Variants in CSMD2 observed in about 807,000 individuals in gnomAD.
CSMD2 encodes the protein CUB and Sushi multiple domains 2.
Under a neutral mutation model 398.5 loss-of-function variants are expected in CSMD2, and 130 were observed. That is an observed-to-expected ratio of 0.33 (90% CI 0.28 to 0.38). CSMD2 has a LOEUF of 0.38. Ranked by LOEUF, CSMD2 falls within the 10% of genes least tolerant of loss-of-function variation. CSMD2 has a pLI of 1.00. For synonymous variants in CSMD2, 1,828 were observed against 1,908.5 expected, an observed-to-expected ratio of 0.96 and a Z score of 1.10; for missense variants, 3,829 against 4,764.9, an observed-to-expected ratio of 0.80 and a Z score of 5.78.
chr1:33,655,213 G>T (rs1029967628), intron 27 of CSMD2, among the ~76,000 whole-genome samples: 1 of 152,222 alleles, frequency 6.6e-6, no homozygotes, highest in Non-Finnish European at 1.5e-5. Flanking sequence ...AAAGGGCATT[G>T]ATTTGGAAGT....
At chr1:33,671,576 A>C (rs1571165696) in intron 25 of CSMD2, among the ~76,000 whole-genome samples, 1 of 152,056 alleles carries the variant, frequency 6.6e-6, no homozygotes, top group Non-Finnish European at 1.5e-5. Context: ...TCCACCTCCC[A>C]CTGCCACACC....
chr1:33,542,685 G>C (rs1341163309), intron 58 of CSMD2, 35 bp downstream of exon 58: 1 of 1,585,736 alleles, frequency 6.3e-7, no homozygotes, highest in Non-Finnish European at 8.6e-7. Flanking sequence ...CTGGGCCACT[G>C]TTGGCCATGG....
intron 14 of CSMD2, 76 bp downstream of exon 14, chr1:33,743,204 C>G: frequency 1.5e-6 from 2 of 1,304,150 alleles, no homozygotes; most frequent in South Asian, 1.5e-5. Flanking sequence ...CTCCTCCCTC[C>G]ATGGGAGCAC....
intron 55 of CSMD2, among the ~76,000 whole-genome samples, chr1:33,551,686 T>C (rs1411452722): frequency 6.6e-6 from 1 of 152,242 alleles, no homozygotes; most frequent in East Asian, 1.9e-4. Flanking sequence ...GTAGATTATC[T>C]GCAAAGACTG....
intron 10 of CSMD2, among the ~76,000 whole-genome samples, chr1:33,795,992 C>T (rs578192326): frequency 5.3e-5 from 8 of 152,338 alleles, no homozygotes; most frequent in African/African-American, 1.7e-4. Context: ...CTTTGTGTGT[C>T]ATGTGATCTG....
rs190895380 is a variant in CSMD2 at position 34,102,868 on chromosome 1, T to C, written c.188-13675A>G. On this transcript the variant is annotated intron_variant, in intron 1 of 70. Coordinates refer to ENST00000373381, the MANE Select transcript of CSMD2 (RefSeq NM_001281956.2). Reference sequence around the variant, plus strand: ...GTGTTCCTGGTGCCTGCTTTATTTGTTGATAGCACTTAGCACCTCTGCCAT... The same window carrying C: ...GTGTTCCTGGTGCCTGCTTTATTTGCTGATAGCACTTAGCACCTCTGCCAT... Among the ~76,000 whole-genome samples, 50 of 152,330 alleles carry C rather than the reference T, an allele frequency of 3.3e-4. No homozygotes were observed. In the East Asian group the frequency reaches 8.7e-3, roughly 26 times the overall value.
intron 6 of CSMD2, among the ~76,000 whole-genome samples, chr1:33,843,754 T>C (rs1661083813): frequency 6.6e-6 from 1 of 152,186 alleles, no homozygotes; most frequent in Non-Finnish European, 1.5e-5. Context: ...GCACAGTGGA[T>C]GGGAGAGAGA....
intron 5 of CSMD2, among the ~76,000 whole-genome samples, chr1:33,903,561 C>G (rs1642888626): frequency 6.6e-6 from 1 of 152,136 alleles, no homozygotes; most frequent in Non-Finnish European, 1.5e-5. Flanking sequence ...CAATTAGCCA[C>G]AGGACATTGT....
At position 34,114,208 on chromosome 1, in the gene CSMD2, T is replaced by C. The variant is rs561347338; in HGVS notation, c.188-25015A>G. On this transcript the variant is annotated intron_variant, in intron 1 of 70. Transcript: ENST00000373381. ...AGTACACATGCAAGCTCAGAGAATA[T>C]ATATCCCAAGGAAAGCCCCCAGAAC... 2.0e-5 allele frequency among the ~76,000 whole-genome samples: 3 copies of C among 152,198 alleles called. No homozygotes were observed. The East Asian group carries it at 5.8e-4, about 29-fold the overall frequency.
intron 10 of CSMD2, among the ~76,000 whole-genome samples, chr1:33,795,479 C>T (rs1234868419): frequency 6.6e-6 from 1 of 152,316 alleles, no homozygotes; most frequent in South Asian, 2.1e-4. Context: ...CTGCTGACTG[C>T]CCTCCACTGC....
intron 29 of CSMD2, among the ~76,000 whole-genome samples, chr1:33,642,280 G>A (rs1370412242): frequency 2.6e-5 from 4 of 151,400 alleles, no homozygotes. Context: ...CTGGGAGGTG[G>A]AGGTTGCAGT....
intron 11 of CSMD2, 52 bp from the exon 12 acceptor site, chr1:33,788,764 A>G: frequency 8.7e-7 from 1 of 1,146,730 alleles, no homozygotes; most frequent in Non-Finnish European, 1.3e-6. Flanking sequence ...ACACCCGAAT[A>G]GAATGATTGC....
chr1:33,754,846 G>T (rs143231324), intron 13 of CSMD2, among the ~76,000 whole-genome samples: 1 of 152,134 alleles, frequency 6.6e-6, no homozygotes, highest in South Asian at 2.1e-4. Flanking sequence ...GCGAGGATGG[G>T]TGTTGGTCTG....
chr1:33,605,936 C>T (rs776577487), intron 41 of CSMD2: 26 of 1,613,636 alleles, frequency 1.6e-5, no homozygotes, highest in East Asian at 1.6e-4. Flanking sequence ...TTTCCAACTC[C>T]GAGAGATCAA....
chr1:33,911,977 A>C (rs1643470595), intron 5 of CSMD2, among the ~76,000 whole-genome samples: 1 of 152,168 alleles, frequency 6.6e-6, no homozygotes, highest in Non-Finnish European at 1.5e-5. Context: ...TGCGCTTCCC[A>C]CCACCTCATC....
At chr1:33,796,597 T>C (rs543001065) in intron 10 of CSMD2, among the ~76,000 whole-genome samples, 6 of 151,714 alleles carry the variant, frequency 4.0e-5, no homozygotes, top group Admixed American at 6.5e-5. Flanking sequence ...AGGACCACTA[T>C]TGTGTTAACT....
intron 15 of CSMD2, among the ~76,000 whole-genome samples, chr1:33,734,700 G>A (rs1329590787): frequency 1.3e-5 from 2 of 151,358 alleles, no homozygotes; most frequent in South Asian, 2.1e-4. Context: ...CAGGAGAATC[G>A]CTTGAACTTG....
At chr1:33,957,929 CTGTGTGTG>C (rs72457395) in intron 3 of CSMD2, among the ~76,000 whole-genome samples, 17,518 of 150,012 alleles carry the variant, frequency 0.12, 1,017 homozygotes, top group East Asian at 0.18. Context: ...AACTCAGTCA[CTGTGTGTG>C]TGTGTGTGTG....
intron 5 of CSMD2, among the ~76,000 whole-genome samples, chr1:33,887,592 A>C (rs1641690141): frequency 6.6e-6 from 1 of 152,186 alleles, no homozygotes; most frequent in Admixed American, 6.5e-5. Flanking sequence ...AAAACACATA[A>C]TTTCTTAATG....
Sources: allele counts gnomAD v4.1 joint callset (sites outside exome capture counted in the v4.1 genomes callset), GRCh38; gene constraint gnomAD v4.1.1; transcripts MANE v1.5; gene names NCBI Gene and HGNC (gene_info 2026-07-23, HGNC 2026-07-21).